ZNF777: variants seen among roughly 807,000 people sequenced by gnomAD.
The protein encoded by ZNF777 is zinc finger protein 777.
Under a neutral mutation model 72.1 loss-of-function variants are expected in ZNF777, and 7 were observed. The observed-to-expected ratio is 0.10, with a 90% CI of 0.06 to 0.18. The LOEUF (loss-of-function observed/expected upper bound fraction) is 0.18, where lower values mean the gene tolerates loss of function less well. ZNF777 is among the 10% of genes least tolerant of loss of function. The pLI is 1.00. For synonymous variants in ZNF777, 545 were observed against 483.5 expected (o/e 1.13, Z -1.67); for missense variants, 828 against 1,128.6 (o/e 0.73, Z 3.82).
chr7:149,432,355 G>A lies in ZNF777; in HGVS notation c.1917C>T (p.Pro639=), dbSNP rs1173324291. Residue 639 remains proline, a synonymous_variant, in exon 6 of 6, where the codon CCC becomes CCT. Transcript: ENST00000247930. Reference sequence around the variant, plus strand: ...TGTGGCTGAAGCTGCTGTCGCACTCGGGGCACTTGTAGGGCTTAGGGCCAC... The same window carrying A: ...TGTGGCTGAAGCTGCTGTCGCACTCAGGGCACTTGTAGGGCTTAGGGCCAC... The part of the protein sequence containing the change: ...GGGGPKPYKC[P]ECDSSFSHKS... 10 of 1,612,314 alleles carry A rather than the reference G, an allele frequency of 6.2e-6. No individual in the cohort carries two copies. Among genetic ancestry groups the A allele is most frequent in the Non-Finnish European group, 8.5e-6 (10 of 1,179,844 alleles).
Position 149,432,387 on chromosome 7 carries a change from CGCT to C in ZNF777, c.1882_1884del (p.Ser628del), listed in dbSNP as rs768345146. On this transcript the variant is annotated inframe_deletion, in exon 6 of 6. Transcript: ENST00000247930. Reference sequence around the variant, plus strand: ...TTGTAGGGCTTAGGGCCACCGCCGCCGCTACCAGAGCTGGGTGACTTGGGACGC... The same window carrying C: ...TTGTAGGGCTTAGGGCCACCGCCGCCACCAGAGCTGGGTGACTTGGGACGC... 37 of 1,613,192 alleles carry C rather than the reference CGCT, an allele frequency of 2.3e-5. No homozygotes were observed. The highest frequency in any genetic ancestry group is 1.1e-4 in the African/African-American group (8 of 74,934).
intron 4 of ZNF777, among the ~76,000 whole-genome samples, chr7:149,450,703 C>A (rs115136957): frequency 0.01 from 1,582 of 152,308 alleles, 26 homozygotes; most frequent in African/African-American, 0.037. Context: ...CTAATGACTG[C>A]TTGACAAGGG....
chr7:149,450,937 G>T (rs1799700808), intron 4 of ZNF777, 62 bp downstream of exon 4: 1 of 1,457,522 alleles, frequency 6.9e-7, no homozygotes, highest in Non-Finnish European at 9.5e-7. Flanking sequence ...GCCTCATGCT[G>T]GCGCTTCCTG....
At chr7:149,452,369 G>A (rs1181870088) in intron 3 of ZNF777, among the ~76,000 whole-genome samples, 2 of 151,840 alleles carry the variant, frequency 1.3e-5, no homozygotes, top group Admixed American at 6.6e-5. Context: ...TGTGGCTCAC[G>A]CCTGTAATCC....
intron 3 of ZNF777, among the ~76,000 whole-genome samples, 195 bp from the exon 4 acceptor site, chr7:149,451,307 G>A (rs1352741800): frequency 1.3e-5 from 2 of 152,058 alleles, no homozygotes; most frequent in Non-Finnish European, 2.9e-5. Context: ...GTGTGGCGGG[G>A]GGTAGAGGGA....
Position 149,460,100 on chromosome 7 carries a change from G to T in ZNF777, c.-16+715C>A. ...CCCGGGGCCCCGAGGCCGCGCGTCCGTGCGCGCGCGGGCCGCCCTCACAGG... is the reference window on the plus strand; with the variant it reads ...CCCGGGGCCCCGAGGCCGCGCGTCCTTGCGCGCGCGGGCCGCCCTCACAGG... On this transcript the variant is annotated intron_variant, in intron 1 of 5. Transcript: ENST00000247930. This position sits in a 1 kb window ranked among gnomAD's most constrained non-coding sequence, Gnocchi z 6.1. 1 of 980,836 alleles carries T rather than the reference G, an allele frequency of 1.0e-6. No homozygotes were observed. The highest frequency in any genetic ancestry group is 1.8e-5 in the African/African-American group (1 of 56,552). The allele number at this position is 980,836 out of a possible 1,614,324, so 60.8% of individuals were successfully genotyped here. A position where few individuals can be genotyped will look rare whatever the true frequency, so the allele number is the denominator to read the frequency against.
chr7:149,448,083 T>G (rs1250538477), intron 4 of ZNF777, among the ~76,000 whole-genome samples: 1 of 152,238 alleles, frequency 6.6e-6, no homozygotes, highest in African/African-American at 2.4e-5. Flanking sequence ...TTGTACATCT[T>G]AATCTATATT....
chr7:149,436,562 G>T lies in ZNF777; in HGVS notation c.1339+13C>A. 3 of 1,584,658 alleles carry T rather than the reference G, an allele frequency of 1.9e-6. No individual in the cohort carries two copies. ...TGGCAACCCTTCCCCGGCCGTCCCC[G>T]CCCAGCACTCACCCGTGCAGTTCCT... On this transcript the variant is annotated intron_variant, in intron 5 of 5. Coordinates refer to ENST00000247930, the MANE Select transcript of ZNF777 (RefSeq NM_015694.3). This position sits in a 1 kb window ranked among gnomAD's most constrained non-coding sequence, Gnocchi z 5.0.
intron 4 of ZNF777, among the ~76,000 whole-genome samples, chr7:149,440,033 T>C (rs1799480328): frequency 6.6e-6 from 1 of 152,228 alleles, no homozygotes; most frequent in Non-Finnish European, 1.5e-5. Flanking sequence ...AATATGTAGA[T>C]GGGCTGGAAG....
rs996922875 is a variant in ZNF777 at position 149,431,726 on chromosome 7, G to A, written c.*50C>T. 2 of 1,273,462 alleles carry A rather than the reference G, an allele frequency of 1.6e-6. No individual in the cohort carries two copies. Among genetic ancestry groups the A allele is most frequent in the African/African-American group, 1.7e-5 (1 of 58,448 alleles). 78.9% of individuals were successfully genotyped at this position (1,273,462 alleles called of 1,614,324 possible). A position where few individuals can be genotyped will look rare whatever the true frequency, so the allele number is the denominator to read the frequency against. On this transcript the variant is annotated 3_prime_UTR_variant, in exon 6 of 6. Coordinates refer to ENST00000247930, the MANE Select transcript of ZNF777 (RefSeq NM_015694.3). ...GGGCTCGGGCCTGGCGGTGTCCGAGGGGGGGCACGGCCCGCGCACCTGGCC... is the reference window on the plus strand; with the variant it reads ...GGGCTCGGGCCTGGCGGTGTCCGAGAGGGGGCACGGCCCGCGCACCTGGCC...
intron 5 of ZNF777, among the ~76,000 whole-genome samples, chr7:149,434,518 G>T (rs1334998564): frequency 6.6e-6 from 1 of 152,202 alleles, no homozygotes; most frequent in African/African-American, 2.4e-5. Context: ...GAAAGGCAAA[G>T]GGGAAAATAG....
In ZNF777 at chr7:149,432,397, G is replaced by A. The variant is rs1228587746; in HGVS notation, c.1875C>T (p.Ser625=). Residue 625 remains serine (S), a synonymous_variant, in exon 6 of 6, where the codon AGC becomes AGT. Coordinates refer to ENST00000247930, the MANE Select transcript of ZNF777 (RefSeq NM_015694.3). ...HALKPRPKSP[S]SGSGGGGPKP... is the part of the protein sequence containing the mutation. ...TAGGGCCACCGCCGCCGCTACCAGA[G>A]CTGGGTGACTTGGGACGCGGCTTGA... 5 of 1,613,356 alleles carry A rather than the reference G, an allele frequency of 3.1e-6. No homozygotes were observed. The highest frequency in any genetic ancestry group is 1.3e-5 in the African/African-American group (1 of 74,948).
chr7:149,438,524 C>A (rs1225921325), intron 4 of ZNF777, among the ~76,000 whole-genome samples: 3 of 152,072 alleles, frequency 2.0e-5, no homozygotes, highest in Non-Finnish European at 4.4e-5. Context: ...CACTGAGCAC[C>A]AACTACATGT....
chr7:149,446,724 A>G (rs958489077), intron 4 of ZNF777, among the ~76,000 whole-genome samples: 3 of 151,914 alleles, frequency 2.0e-5, no homozygotes, highest in Non-Finnish European at 2.9e-5. Flanking sequence ...CAACTGTCCC[A>G]TATTTCCACT....
Position 149,432,209 on chromosome 7 carries a change from C to G in ZNF777, c.2063G>C (p.Gly688Ala). 1.2e-6 allele frequency: 2 copies of G among 1,606,458 alleles called. No homozygotes were observed. The highest frequency in any genetic ancestry group is 1.7e-6 in the Non-Finnish European group (2 of 1,179,896). ...SLVIHQRVHA[G>A]KHEVSFICSL... Reference sequence around the variant, plus strand: ...GCAGATGAAGGAGACCTCATGCTTGCCCGCGTGCACGCGCTGATGGATCAC... The same window carrying G: ...GCAGATGAAGGAGACCTCATGCTTGGCCGCGTGCACGCGCTGATGGATCAC... Residue 688 changes from glycine to alanine, a missense_variant, in exon 6 of 6, where the codon GGC becomes GCC. Gly to Ala is a moderately conservative substitution (Grantham distance 60). Around this residue, in one of 12 missense-constraint regions of ZNF777, gnomAD observed 24 missense variants for 23.3 expected, o/e 1.03. Coordinates refer to ENST00000247930, the MANE Select transcript of ZNF777 (RefSeq NM_015694.3).
At position 149,436,729 on chromosome 7, in the gene ZNF777, C is replaced by A; in HGVS notation, c.1185G>T (p.Glu395Asp). Reference protein sequence around the residue: ...TPEPLMGQVEEHGFQDSELGD... With the variant: ...TPEPLMGQVEDHGFQDSELGD... ...CCAGCTCTGAGTCCTGGAAGCCGTG[C>A]TCTTCCACCTGTCCCATCAGGGGCT... The change falls in exon 5 of 6, where the codon GAG becomes GAT. Residue 395 changes from glutamate (E) to aspartate (D), a missense_variant. Glu to Asp is a conservative substitution (Grantham distance 45, BLOSUM62 2). Coordinates refer to ENST00000247930, the MANE Select transcript of ZNF777 (RefSeq NM_015694.3). This position sits in a 1 kb window ranked among gnomAD's most constrained non-coding sequence, Gnocchi z 5.0. The A allele has an allele frequency of 6.2e-7, 1 of 1,614,178 alleles. No individual in the cohort carries two copies.
intron 3 of ZNF777, among the ~76,000 whole-genome samples, chr7:149,451,515 AC>A (rs1799716321): frequency 6.6e-6 from 1 of 151,974 alleles, no homozygotes; most frequent in African/African-American, 2.4e-5. Context: ...ACATGGTGAA[AC>A]CCCATCTCTA....
At position 149,436,917 on chromosome 7, in the gene ZNF777, C is replaced by A; in HGVS notation, c.1088-91G>T. 5.5e-6 allele frequency: 8 copies of A among 1,457,462 alleles called. No homozygotes were observed. The highest frequency in any genetic ancestry group is 7.4e-6 in the Non-Finnish European group (8 of 1,074,512). 90.3% of individuals were successfully genotyped at this position (1,457,462 alleles called of 1,614,324 possible). ...GTTTCTGCAGCCCTACAATTTACAT[C>A]TCAATAAGTCTTATCTTAGAGACCC... is the stretch of plus-strand genomic sequence containing the variant. On this transcript the variant is annotated intron_variant, in intron 4 of 5. Coordinates refer to ENST00000247930, the MANE Select transcript of ZNF777 (RefSeq NM_015694.3). The surrounding 1 kb of genome is among the most constrained non-coding windows in gnomAD (Gnocchi z 5.0).
chr7:149,432,133 C>T lies in ZNF777; in HGVS notation c.2139G>A (p.Gln713=). 6.2e-7 allele frequency: 1 copy of T among 1,604,972 alleles called. No individual in the cohort carries two copies. The highest frequency in any genetic ancestry group is 8.5e-7 in the Non-Finnish European group (1 of 1,179,774). The change falls in exon 6 of 6, where the codon CAG becomes CAA. Residue 713 remains glutamine, a synonymous_variant. Coordinates refer to ENST00000247930, the MANE Select transcript of ZNF777 (RefSeq NM_015694.3). ...FSRPSHLLRH[Q]RTHTGERPFK... ...AGGGCCGCTCGCCTGTGTGAGTCCG[C>T]TGGTGGCGCAGCAGGTGCGAGGGGC... is the stretch of plus-strand genomic sequence containing the variant.
Sources: gnomAD v4.1 joint callset for allele counts (sites outside exome capture counted in the v4.1 genomes callset) on GRCh38, gnomAD v4.1.1 for gene constraint, gnomAD v4.1.1 regional missense constraint, Gnocchi (gnomAD v3.1) non-coding constraint, MANE v1.5 for transcripts, NCBI Gene and HGNC (gene_info 2026-07-23, HGNC 2026-07-21) for gene names.